Variants in PDE8B observed in about 807,000 individuals in gnomAD.
PDE8B encodes high affinity cAMP-specific and IBMX-insensitive 3',5'-cyclic phosphodiesterase 8B.
PDE8B carries 26 observed loss-of-function variants against 101.3 expected under a neutral mutation model. That is an observed-to-expected ratio of 0.26 (90% CI 0.19 to 0.36). The LOEUF is 0.36. Ranked by LOEUF, PDE8B falls within the 10% of genes least tolerant of loss-of-function variation. The pLI is 1.00. For synonymous variants in PDE8B, 424 were observed against 429.3 expected (o/e 0.99, Z 0.15); for missense variants, 810 against 1,163.1 (o/e 0.70, Z 4.42).
chr5:77,127,011 A>G, the PDE8B span, among the ~76,000 whole-genome samples: 5 of 152,206 alleles, frequency 3.3e-5, no homozygotes. Flanking sequence ...TTGCCAGGAC[A>G]CTGAGTTTTC....
chr5:77,224,541 C>A (rs1751905810), intron 1 of PDE8B, among the ~76,000 whole-genome samples: 1 of 152,184 alleles, frequency 6.6e-6, no homozygotes, highest in African/African-American at 2.4e-5. Context: ...GTAACTATTT[C>A]AGTATGTAAC....
At chr5:77,090,414 C>T in the PDE8B span, among the ~76,000 whole-genome samples, 2 of 152,024 alleles carry the variant, frequency 1.3e-5, no homozygotes, top group Admixed American at 6.6e-5. Context: ...AAGGGAACTA[C>T]AGGCGCCCGC....
chr5:77,426,370 A>G, intron 21 of PDE8B, 75 bp from the exon 22 acceptor site: 2 of 937,642 alleles, frequency 2.1e-6, no homozygotes, highest in Non-Finnish European at 3.4e-6. Flanking sequence ...AACTTGTCCC[A>G]GACACCCCCA....
At chr5:77,113,909 A>C in the PDE8B span, 1 of 152,262 alleles carries the variant, frequency 6.6e-6, no homozygotes, top group Non-Finnish European at 1.5e-5. Context: ...AGACACATGA[A>C]AAAACGCTCA....
chr5:77,291,667 C>G, intron 1 of PDE8B: 1 of 1,596,020 alleles, frequency 6.3e-7, no homozygotes, highest in East Asian at 2.2e-5. Flanking sequence ...ATTGGAGGTG[C>G]CTTTGGAGGA....
chr5:77,330,639 C>G (rs995506348), intron 4 of PDE8B, among the ~76,000 whole-genome samples: 1 of 152,178 alleles, frequency 6.6e-6, no homozygotes, highest in South Asian at 2.1e-4. Flanking sequence ...TTCCTGTTTT[C>G]TATCTGCGTT....
intron 10 of PDE8B, among the ~76,000 whole-genome samples, chr5:77,397,684 T>C (rs1791363061): frequency 6.6e-6 from 1 of 152,208 alleles, no homozygotes; most frequent in African/African-American, 2.4e-5. Flanking sequence ...TATTCTTATA[T>C]TACTGGCTTT....
At chr5:77,290,660 T>C (rs1017069520) in intron 1 of PDE8B, 3 of 1,507,602 alleles carry the variant, frequency 2.0e-6, no homozygotes, top group African/African-American at 2.8e-5. Context: ...ATGCTGTTGG[T>C]TTATCAAGGA....
At chr5:77,374,031 G>A (rs1785588741) in intron 10 of PDE8B, among the ~76,000 whole-genome samples, 1 of 152,066 alleles carries the variant, frequency 6.6e-6, no homozygotes. Flanking sequence ...TGTGTTTTTA[G>A]TAGAGACTGG....
the PDE8B span, chr5:77,165,369 A>G: frequency 6.6e-6 from 1 of 152,236 alleles, no homozygotes; most frequent in Non-Finnish European, 1.5e-5. Context: ...AGCTCTCATG[A>G]ACCAGTACAG....
chr5:77,095,762 C>G, the PDE8B span, among the ~76,000 whole-genome samples: 1 of 152,274 alleles, frequency 6.6e-6, no homozygotes, highest in East Asian at 1.9e-4. Context: ...TCCCCATAAA[C>G]TTTCTGTAAA....
chr5:77,335,054 A>C (rs1777869797), intron 5 of PDE8B, among the ~76,000 whole-genome samples: 1 of 152,182 alleles, frequency 6.6e-6, no homozygotes, highest in Non-Finnish European at 1.5e-5. Flanking sequence ...TTTTTGCAAA[A>C]ACTAATCCAT....
intron 1 of PDE8B, among the ~76,000 whole-genome samples, chr5:77,248,634 G>A (rs1757450071): frequency 1.3e-5 from 2 of 152,166 alleles, no homozygotes; most frequent in South Asian, 4.1e-4. Flanking sequence ...TGCACTTGCA[G>A]AATCCGGCTT....
the PDE8B span, among the ~76,000 whole-genome samples, chr5:77,137,115 A>G: frequency 4.8e-4 from 73 of 152,278 alleles, no homozygotes; most frequent in Non-Finnish European, 8.5e-4. Flanking sequence ...GCTTTTTGTC[A>G]TCATGTATTG....
intron 6 of PDE8B, among the ~76,000 whole-genome samples, chr5:77,340,255 G>T (rs1192717431): frequency 6.6e-6 from 1 of 152,140 alleles, no homozygotes; most frequent in African/African-American, 2.4e-5. Context: ...ATTTTAGAAA[G>T]AATCAAAATT....
At chr5:77,395,365 T>G (rs1395730235) in intron 10 of PDE8B, among the ~76,000 whole-genome samples, 1 of 151,780 alleles carries the variant, frequency 6.6e-6, no homozygotes, top group Non-Finnish European at 1.5e-5. Context: ...TCCGCCCGCC[T>G]CAGCCTCCCA....
At chr5:77,180,070 T>C in the PDE8B span, among the ~76,000 whole-genome samples, 2 of 152,056 alleles carry the variant, frequency 1.3e-5, no homozygotes, top group Non-Finnish European at 2.9e-5. Flanking sequence ...AGTGGAGACC[T>C]GTAAAGGGGG....
chr5:77,181,193 T>C, the PDE8B span, among the ~76,000 whole-genome samples: 6 of 151,198 alleles, frequency 4.0e-5, no homozygotes, highest in African/African-American at 1.5e-4. Flanking sequence ...TCATCCCCTG[T>C]GGGAAGGGAT....
At chr5:77,205,244 A>G in the PDE8B span, among the ~76,000 whole-genome samples, 2 of 152,230 alleles carry the variant, frequency 1.3e-5, no homozygotes, top group African/African-American at 2.4e-5. Flanking sequence ...ACAACTGGCA[A>G]GAGAAAACCG....
Sources: allele counts gnomAD v4.1 joint callset (sites outside exome capture counted in the v4.1 genomes callset), GRCh38; gene constraint gnomAD v4.1.1; transcripts MANE v1.5; gene names NCBI Gene and HGNC (gene_info 2026-07-23, HGNC 2026-07-21).